Variants in ZNG1F observed in about 807,000 individuals in gnomAD.
ZNG1F encodes the protein zinc-regulated GTPase metalloprotein activator 1F.
chr9:41,201,277 A>G, the ZNG1F span, among the ~76,000 whole-genome samples: 2 of 143,578 alleles, frequency 1.4e-5, no homozygotes, highest in Non-Finnish European at 1.5e-5. Context: ...ATATATATAT[A>G]TATGTATGCT....
chr9:41,149,803 G>T, the ZNG1F span, among the ~76,000 whole-genome samples: 11 of 151,206 alleles, frequency 7.3e-5, no homozygotes, highest in East Asian at 5.9e-4. Flanking sequence ...TTAAAAAATT[G>T]TTAAGAGGGT....
At chr9:41,181,138 TTA>T in the ZNG1F span, among the ~76,000 whole-genome samples, 1 of 122,086 alleles carries the variant, frequency 8.2e-6, no homozygotes, top group South Asian at 2.9e-4. Flanking sequence ...TTAACATTTT[TTA>T]TAACTACAAT....
chr9:41,133,654 CAGTT>C, the ZNG1F span: 1 of 1,584,024 alleles, frequency 6.3e-7, no homozygotes, highest in Non-Finnish European at 8.5e-7. Flanking sequence ...AATCATTAAT[CAGTT>C]AAAAATTGCA....
the ZNG1F span, among the ~76,000 whole-genome samples, chr9:41,150,801 TC>T: frequency 1.3e-5 from 1 of 76,278 alleles, no homozygotes; most frequent in African/African-American, 5.4e-5. Context: ...AGAAAGGACA[TC>T]CACACCAAAA....
At chr9:41,183,620 T>C in the ZNG1F span, 1 of 1,603,084 alleles carries the variant, frequency 6.2e-7, no homozygotes, top group African/African-American at 1.4e-5. Flanking sequence ...CATAGAGCTC[T>C]CCACCTTGGC....
At chr9:41,180,168 C>CTTTTT in the ZNG1F span, among the ~76,000 whole-genome samples, 5 of 16,798 alleles carry the variant, frequency 3.0e-4, no homozygotes, top group Non-Finnish European at 4.9e-4. Context: ...ATAAACACAG[C>CTTTTT]TTTTTTTTTT....
At chr9:41,154,916 G>A in the ZNG1F span, among the ~76,000 whole-genome samples, 3 of 149,838 alleles carry the variant, frequency 2.0e-5, no homozygotes, top group East Asian at 5.9e-4. Context: ...AGAAAACCTA[G>A]GCATTACCAT....
At chr9:41,140,892 A>AT in the ZNG1F span, among the ~76,000 whole-genome samples, 1 of 150,190 alleles carries the variant, frequency 6.7e-6, no homozygotes, top group East Asian at 2.0e-4. Context: ...TGCCTGGCTA[A>AT]TTTTTTGTAT....
the ZNG1F span, among the ~76,000 whole-genome samples, chr9:41,171,506 C>T: frequency 3.8e-5 from 1 of 26,218 alleles, no homozygotes; most frequent in Non-Finnish European, 8.9e-5. Context: ...AATCCCAGCA[C>T]TTTGGGAGGC....
chr9:41,183,525 T>G, the ZNG1F span: 1 of 1,526,790 alleles, frequency 6.5e-7, no homozygotes, highest in Non-Finnish European at 8.8e-7. Flanking sequence ...TCAATAAACA[T>G]TTCTAGTAAA....
the ZNG1F span, chr9:41,172,882 G>GT: frequency 2.1e-5 from 2 of 93,404 alleles, no homozygotes; most frequent in East Asian, 3.0e-4. Flanking sequence ...ACAATGTACT[G>GT]TTTTTTTCTC....
the ZNG1F span, among the ~76,000 whole-genome samples, chr9:41,156,065 T>C: frequency 4.1e-4 from 51 of 123,150 alleles, 1 homozygote; most frequent in Middle Eastern, 4.3e-3. Context: ...GTGAAAACGC[T>C]AAGCTAAAAT....
chr9:41,186,699 T>C, the ZNG1F span, among the ~76,000 whole-genome samples: 1 of 35,546 alleles, frequency 2.8e-5, no homozygotes, highest in African/African-American at 6.2e-5. Context: ...TTTATCTTTT[T>C]TTTGTTGGAC....
the ZNG1F span, among the ~76,000 whole-genome samples, chr9:41,154,698 C>T: frequency 6.7e-6 from 1 of 148,984 alleles, no homozygotes; most frequent in African/African-American, 2.5e-5. Context: ...AGAAATAATG[C>T]CGCATATCTA....
chr9:41,164,946 A>G, the ZNG1F span: 3 of 1,547,756 alleles, frequency 1.9e-6, no homozygotes, highest in African/African-American at 2.7e-5. Context: ...AGAGTAAAAA[A>G]CATTCTGTGT....
chr9:41,145,537 C>T, the ZNG1F span: 8 of 703,046 alleles, frequency 1.1e-5, 1 homozygote, highest in African/African-American at 1.1e-4. Flanking sequence ...AAAAAAAACA[C>T]ACATTCATAT....
the ZNG1F span, chr9:41,131,869 T>C: frequency 1.3e-5 from 5 of 371,188 alleles, no homozygotes; most frequent in Non-Finnish European, 2.4e-5. Flanking sequence ...ATGACGTGAT[T>C]ACATTATGCT....
At chr9:41,192,952 A>AAAC in the ZNG1F span, among the ~76,000 whole-genome samples, 24 of 151,842 alleles carry the variant, frequency 1.6e-4, no homozygotes, top group African/African-American at 4.8e-4. Context: ...CTTTAGGGTA[A>AAAC]AACAACAACA....
chr9:41,158,806 C>G, the ZNG1F span: 16 of 96,672 alleles, frequency 1.7e-4, no homozygotes, highest in East Asian at 4.3e-3. Context: ...TCCATGGCAT[C>G]AAATTAATTT....
Sources: gnomAD v4.1 joint callset for allele counts (sites outside exome capture counted in the v4.1 genomes callset) on GRCh38, gnomAD v4.1.1 for gene constraint, MANE v1.5 for transcripts, NCBI Gene and HGNC (gene_info 2026-07-23, HGNC 2026-07-21) for gene names.